FBXO31: variants seen among roughly 807,000 people sequenced by gnomAD.
FBXO31 encodes F-box only protein 31.
A neutral mutation model predicts 54.4 loss-of-function variants in FBXO31; 24 were observed. The ratio of observed to expected loss-of-function variants is 0.44; its 90% confidence interval spans 0.32 to 0.62. FBXO31 has a LOEUF of 0.62. FBXO31 is among the 20% of genes least tolerant of loss of function. The pLI, the probability that FBXO31 is intolerant of heterozygous loss-of-function variation, is 0.05. For missense variants in FBXO31, 665 were observed against 787.1 expected, an observed-to-expected ratio of 0.84 and a Z score of 1.86; for synonymous variants, 388 against 335.6, an observed-to-expected ratio of 1.16 and a Z score of -1.71.
chr16:87,347,075 G>C (rs982982990), intron 3 of FBXO31, 99 bp downstream of exon 3: 1 of 1,082,176 alleles, frequency 9.2e-7, no homozygotes. Context: ...CGCACATCTG[G>C]GCCAGCTTGT....
Position 87,346,874 on chromosome 16 carries a change from C to T in FBXO31, c.489+300G>A, listed in dbSNP as rs533183399. 2.0e-5 allele frequency among the ~76,000 whole-genome samples: 3 copies of T among 152,306 alleles called. No homozygotes were observed. Among genetic ancestry groups the T allele is most frequent in the South Asian group, 4.2e-4 (2 of 4,818 alleles). Reference sequence around the variant, plus strand: ...CTGGCTGAGGGCGGGCTCCAGACCCCGCCAACATGTGCGCGATGGGCCTCA... The same window carrying T: ...CTGGCTGAGGGCGGGCTCCAGACCCTGCCAACATGTGCGCGATGGGCCTCA... On this transcript the variant is annotated intron_variant, in intron 3 of 8. Coordinates refer to ENST00000311635, the MANE Select transcript of FBXO31 (RefSeq NM_024735.5). This position sits in a 1 kb window ranked among gnomAD's most constrained non-coding sequence, Gnocchi z 4.2.
At chr16:87,365,626 C>T (rs1906334526) in intron 1 of FBXO31, among the ~76,000 whole-genome samples, 1 of 152,220 alleles carries the variant, frequency 6.6e-6, no homozygotes, top group Non-Finnish European at 1.5e-5. Flanking sequence ...CCATGCGGCC[C>T]ACCATATTCA....
At chr16:87,352,013 A>G (rs1031497948) in intron 2 of FBXO31, among the ~76,000 whole-genome samples, 1 of 152,164 alleles carries the variant, frequency 6.6e-6, no homozygotes, top group Non-Finnish European at 1.5e-5. Flanking sequence ...AGCCAAGTCA[A>G]TCAGCAAGGC....
Position 87,358,663 on chromosome 16 carries a change from G to A in FBXO31, c.412+1632C>T, listed in dbSNP as rs1344016877. On this transcript the variant is annotated intron_variant, in intron 2 of 8. Transcript: ENST00000311635. This position sits in a 1 kb window ranked among gnomAD's most constrained non-coding sequence, Gnocchi z 4.0. ...AGGTGGCTCTGAGAAACCTGCTGGA[G>A]AGAACAACACTGTGACACGTTTTCC... 1.3e-5 allele frequency among the ~76,000 whole-genome samples: 2 copies of A among 152,186 alleles called. No individual in the cohort carries two copies. Among genetic ancestry groups the A allele is most frequent in the African/African-American group, 4.8e-5 (2 of 41,436 alleles).
Sources: allele counts gnomAD v4.1 joint callset (sites outside exome capture counted in the v4.1 genomes callset), GRCh38; gene constraint gnomAD v4.1.1; non-coding constraint Gnocchi (gnomAD v3.1); transcripts MANE v1.5; gene names NCBI Gene and HGNC (gene_info 2026-07-23, HGNC 2026-07-21).